The following ANKRD33B variants were observed in gnomAD, a reference collection of about 807,000 sequenced individuals.
ANKRD33B encodes ankyrin repeat domain 33B.
ANKRD33B carries 6 observed loss-of-function variants against 21.5 expected under a neutral mutation model. The observed-to-expected ratio is 0.28, with a 90% CI of 0.15 to 0.55. The LOEUF (loss-of-function observed/expected upper bound fraction) is 0.55, where lower values mean the gene tolerates loss of function less well. Ranked by LOEUF, ANKRD33B falls within the 20% of genes least tolerant of loss-of-function variation. The pLI, the probability that ANKRD33B is intolerant of heterozygous loss-of-function variation, is 0.94. For synonymous variants in ANKRD33B, 347 were observed against 342.4 expected (o/e 1.01, Z -0.15); for missense variants, 698 against 747.2 (o/e 0.93, Z 0.77).
chr5:10,634,481 A>G (rs1448790459), intron 2 of ANKRD33B, among the ~76,000 whole-genome samples: 2 of 115,906 alleles, frequency 1.7e-5, no homozygotes, highest in African/African-American at 3.0e-5. Context: ...TTTTTTTGAG[A>G]CAGGGTCTCA....
At chr5:10,617,580 C>T (rs1736313206) in intron 1 of ANKRD33B, among the ~76,000 whole-genome samples, 1 of 152,240 alleles carries the variant, frequency 6.6e-6, no homozygotes, top group African/African-American at 2.4e-5. Context: ...CAGCCCCCTT[C>T]CTCCACCCCA....
chr5:10,579,194 T>C (rs1735386305), intron 1 of ANKRD33B, among the ~76,000 whole-genome samples: 1 of 146,302 alleles, frequency 6.8e-6, no homozygotes, highest in African/African-American at 2.5e-5. Context: ...TACTCTCTCC[T>C]TTTTTTTTTA....
At chr5:10,581,389 T>C (rs1735440711) in intron 1 of ANKRD33B, among the ~76,000 whole-genome samples, 1 of 152,256 alleles carries the variant, frequency 6.6e-6, no homozygotes, top group Non-Finnish European at 1.5e-5. Context: ...GGCCTGGCCC[T>C]CTGGGCTCGC....
intron 1 of ANKRD33B, 57 bp from the exon 2 acceptor site, chr5:10,618,276 C>T: frequency 6.5e-7 from 1 of 1,534,398 alleles, no homozygotes; most frequent in South Asian, 1.2e-5. Flanking sequence ...GTCCCCAGTG[C>T]TGACCCACCA....
chr5:10,595,893 C>T (rs1441436888), intron 1 of ANKRD33B, among the ~76,000 whole-genome samples: 1 of 152,190 alleles, frequency 6.6e-6, no homozygotes, highest in Non-Finnish European at 1.5e-5. Flanking sequence ...GGCCTGAAAA[C>T]AGAGAGGGAG....
At chr5:10,603,763 A>C (rs1735981053) in intron 1 of ANKRD33B, among the ~76,000 whole-genome samples, 1 of 152,158 alleles carries the variant, frequency 6.6e-6, no homozygotes, top group African/African-American at 2.4e-5. Context: ...TATTTATCTT[A>C]TGGTAATTTA....
rs892363447 is a variant in ANKRD33B at position 10,651,198 on chromosome 5, C to G, written c.*1085C>G. Reference sequence around the variant, plus strand: ...GGAGTAGACTGGGCAGCCCCCTCCTCCAGGCTCAGTTCCAAAGAGTCCGTT... The same window carrying G: ...GGAGTAGACTGGGCAGCCCCCTCCTGCAGGCTCAGTTCCAAAGAGTCCGTT... On this transcript the variant is annotated 3_prime_UTR_variant, in exon 4 of 4. Coordinates refer to ENST00000296657, the MANE Select transcript of ANKRD33B (RefSeq NM_001164440.2). 6.6e-6 allele frequency: 1 copy of G among 152,342 alleles called. No homozygotes were observed. Among genetic ancestry groups the G allele is most frequent in the Non-Finnish European group, 1.5e-5 (1 of 68,046 alleles). 9.4% of individuals were successfully genotyped at this position (152,342 alleles called of 1,614,324 possible). A position where few individuals can be genotyped will look rare whatever the true frequency, so the allele number is the denominator to read the frequency against.
intron 1 of ANKRD33B, among the ~76,000 whole-genome samples, chr5:10,598,778 C>A (rs1447515554): frequency 6.6e-6 from 1 of 152,052 alleles, no homozygotes; most frequent in African/African-American, 2.4e-5. Context: ...GTTAGCCAGG[C>A]ATGGTGGCTC....
rs775879818 is a variant in ANKRD33B at position 10,564,506 on chromosome 5, G to A, written c.39G>A (p.Gly13=). The A allele has an allele frequency of 1.3e-6, 2 of 1,522,352 alleles. No individual in the cohort carries two copies. The highest frequency in any genetic ancestry group is 4.0e-5 in the Admixed American group (2 of 50,500). 94.3% of individuals were successfully genotyped at this position (1,522,352 alleles called of 1,614,324 possible). The change falls in exon 1 of 4, where the codon GGG becomes GGA. Residue 13 remains glycine, a synonymous_variant. Transcript: ENST00000296657. ...LLAGTGPEGG[G]ARCMTPPPPS... is the part of the protein sequence containing the mutation. ...CCGGGACCGGGCCGGAGGGCGGCGG[G>A]GCGCGCTGCATGACCCCACCACCGC...
At position 10,649,555 on chromosome 5, in the gene ANKRD33B, C is replaced by G. The variant is rs1357237869; in HGVS notation, c.927C>G (p.Val309=). The G allele has an allele frequency of 1.3e-6, 2 of 1,528,246 alleles. No individual in the cohort carries two copies. The highest frequency in any genetic ancestry group is 2.0e-5 in the Admixed American group (1 of 50,700). 94.7% of individuals were successfully genotyped at this position (1,528,246 alleles called of 1,614,324 possible). A position where few individuals can be genotyped will look rare whatever the true frequency, so the allele number is the denominator to read the frequency against. Residue 309 remains valine (V), a synonymous_variant, in exon 4 of 4, where the codon GTC becomes GTG. Coordinates refer to ENST00000296657, the MANE Select transcript of ANKRD33B (RefSeq NM_001164440.2). ...ACGGGGGCGTCCTGGACCACATGGT[C>G]CGGATGACCACGAGCCTCTACAGCC... is the stretch of plus-strand genomic sequence containing the variant. The part of the protein sequence containing the change: ...PEDGGVLDHM[V]RMTTSLYSPA...
intron 1 of ANKRD33B, among the ~76,000 whole-genome samples, chr5:10,577,703 A>G (rs578118912): frequency 1.2e-4 from 19 of 152,352 alleles, no homozygotes; most frequent in African/African-American, 4.6e-4. Context: ...GTCATCTCCT[A>G]AAAATAGCAG....
intron 1 of ANKRD33B, among the ~76,000 whole-genome samples, chr5:10,610,960 C>T (rs919787131): frequency 6.6e-6 from 1 of 152,172 alleles, no homozygotes; most frequent in African/African-American, 2.4e-5. Flanking sequence ...AGGAGAATTG[C>T]TTGAACCTGG....
At position 10,576,335 on chromosome 5, in the gene ANKRD33B, G is replaced by A. The variant is rs1376871764; in HGVS notation, c.366+11502G>A. Among the ~76,000 whole-genome samples the A allele has an allele frequency of 1.3e-5, 2 of 152,160 alleles. No homozygotes were observed. The highest frequency in any genetic ancestry group is 2.9e-5 in the Non-Finnish European group (2 of 68,034). The stretch of plus-strand genomic sequence containing the variant: ...TGGCTGCCTTCACTGTGGTTCATGG[G>A]CCAGCAGCGTTGGCATCGCCTGGGA... On this transcript the variant is annotated intron_variant, in intron 1 of 3. Transcript: ENST00000296657. The surrounding 1 kb of genome is among the most constrained non-coding windows in gnomAD (Gnocchi z 4.1).
At position 10,655,542 on chromosome 5, in the gene ANKRD33B, C is replaced by T. The variant is rs1050544471; in HGVS notation, c.*5429C>T. On this transcript the variant is annotated 3_prime_UTR_variant, in exon 4 of 4. Coordinates refer to ENST00000296657, the MANE Select transcript of ANKRD33B (RefSeq NM_001164440.2). ...TCACAGCCCTGATGTGCACCCTGCA[C>T]TACTCTTTCCCCAGGTGCGCCGGAG... is the stretch of plus-strand genomic sequence containing the variant. 6.6e-6 allele frequency: 1 copy of T among 152,378 alleles called. No individual in the cohort carries two copies. Among genetic ancestry groups the T allele is most frequent in the African/African-American group, 2.4e-5 (1 of 41,438 alleles). 9.4% of individuals were successfully genotyped at this position (152,378 alleles called of 1,614,324 possible).
At chr5:10,603,438 T>G (rs1006206966) in intron 1 of ANKRD33B, among the ~76,000 whole-genome samples, 21 of 150,266 alleles carry the variant, frequency 1.4e-4, no homozygotes, top group African/African-American at 4.4e-4. Flanking sequence ...AATTGTTGTA[T>G]TTTTAGTAGA....
chr5:10,645,495 C>T (rs1319886149), intron 3 of ANKRD33B, among the ~76,000 whole-genome samples: 1 of 152,134 alleles, frequency 6.6e-6, no homozygotes. Context: ...TTTTTGGCTG[C>T]AAGTAACAGA....
At chr5:10,583,425 G>A (rs2648804) in intron 1 of ANKRD33B, among the ~76,000 whole-genome samples, 56,397 of 152,082 alleles carry the variant, frequency 0.37, 11,633 homozygotes, top group East Asian at 0.6. Flanking sequence ...ATAATCCTTT[G>A]CTGTGGGAAC....
intron 1 of ANKRD33B, among the ~76,000 whole-genome samples, chr5:10,616,961 G>A (rs1304285247): frequency 6.6e-6 from 1 of 152,218 alleles, no homozygotes; most frequent in African/African-American, 2.4e-5. Context: ...CAGGGCGCTA[G>A]CATGGTGGGG....
intron 2 of ANKRD33B, among the ~76,000 whole-genome samples, chr5:10,637,147 ACAGT>A (rs1736886105): frequency 6.6e-6 from 1 of 152,122 alleles, no homozygotes; most frequent in Non-Finnish European, 1.5e-5. Context: ...GGTGGCATGG[ACAGT>A]TGACCCAAGA....
Sources: gnomAD v4.1 joint callset for allele counts (sites outside exome capture counted in the v4.1 genomes callset) on GRCh38, gnomAD v4.1.1 for gene constraint, Gnocchi (gnomAD v3.1) non-coding constraint, MANE v1.5 for transcripts, NCBI Gene and HGNC (gene_info 2026-07-23, HGNC 2026-07-21) for gene names.